Variants in USP14 observed in about 807,000 individuals in gnomAD.
The protein encoded by USP14 is ubiquitin carboxyl-terminal hydrolase 14.
In USP14, 38 loss-of-function variants were observed where a neutral mutation model predicts 76.5. The ratio of observed to expected loss-of-function variants is 0.50; its 90% CI spans 0.38 to 0.65. The LOEUF (loss-of-function observed/expected upper bound fraction) is 0.65, where lower values mean the gene tolerates loss of function less well. Ranked by LOEUF, USP14 falls within the 30% of genes least tolerant of loss-of-function variation. USP14 has a pLI of 0.00. For missense variants in USP14, 467 were observed against 586.5 expected, an observed-to-expected ratio of 0.80 and a Z score of 2.10; for synonymous variants, 192 against 191.7, an observed-to-expected ratio of 1.00 and a Z score of -0.01.
At chr18:173,722 C>G (rs996814945) in intron 3 of USP14, among the ~76,000 whole-genome samples, 2 of 152,118 alleles carry the variant, frequency 1.3e-5, no homozygotes, top group Non-Finnish European at 2.9e-5. Flanking sequence ...CGCACCCGGT[C>G]TATTATCTGT....
chr18:202,964 T>C lies in USP14; in HGVS notation c.942+19T>C. 6.2e-7 allele frequency: 1 copy of C among 1,613,302 alleles called. No individual in the cohort carries two copies. On this transcript the variant is annotated intron_variant, in intron 11 of 15. Transcript: ENST00000261601. ...CAAATCTGTAAGTTATGCAGTCCTT[T>C]CGAAGCCAAATTCCGCTTCACTGAA...
intron 3 of USP14, among the ~76,000 whole-genome samples, chr18:174,679 G>T (rs1177356445): frequency 6.7e-6 from 1 of 149,762 alleles, no homozygotes; most frequent in East Asian, 2.0e-4. Context: ...ATCATAGCTC[G>T]CTGCAGCCTT....
intron 8 of USP14, 69 bp downstream of exon 8, chr18:197,765 CT>C (rs2143069893): frequency 8.0e-7 from 1 of 1,255,052 alleles, no homozygotes; most frequent in African/African-American, 1.5e-5. Context: ...TTTTTTTCCC[CT>C]CAAAGGCTTA....
intron 3 of USP14, among the ~76,000 whole-genome samples, chr18:173,007 T>TAA (rs571581090): frequency 9.9e-5 from 15 of 152,232 alleles, no homozygotes; most frequent in Non-Finnish European, 1.9e-4. Flanking sequence ...TACTATGTTG[T>TAA]AAGAAATCTT....
intron 13 of USP14, among the ~76,000 whole-genome samples, chr18:205,791 T>A (rs962870407): frequency 6.6e-6 from 1 of 152,004 alleles, no homozygotes; most frequent in Non-Finnish European, 1.5e-5. Context: ...TAAAAAAAAA[T>A]TATACAAACG....
Position 192,977 on chromosome 18 carries a change from A to G in USP14, c.463+77A>G. 5.5e-6 allele frequency: 7 copies of G among 1,282,340 alleles called. 1 individual carries two copies. In the South Asian group the frequency reaches 9.8e-5, roughly 18 times the overall value. The allele number at this position is 1,282,340 out of a possible 1,614,324, so 79.4% of individuals were successfully genotyped here. ...TCGCTCACAATCCTTTGCAGTTTAC[A>G]GAATGTCTTTTGTAAAACATCACCT... On this transcript the variant is annotated intron_variant, in intron 6 of 15. Coordinates refer to ENST00000261601, the MANE Select transcript of USP14 (RefSeq NM_005151.4).
intron 3 of USP14, among the ~76,000 whole-genome samples, chr18:172,545 T>C (rs1237483584): frequency 6.6e-6 from 1 of 152,164 alleles, no homozygotes; most frequent in Admixed American, 6.5e-5. Context: ...CAGAGAACTC[T>C]TTCATGAAAG....
intron 10 of USP14, among the ~76,000 whole-genome samples, chr18:201,506 G>A (rs1910383503): frequency 6.6e-6 from 1 of 152,234 alleles, no homozygotes; most frequent in African/African-American, 2.4e-5. Flanking sequence ...GAGTGAGTGA[G>A]TCACGCTCTG....
intron 3 of USP14, among the ~76,000 whole-genome samples, chr18:174,901 G>A (rs1197603540): frequency 6.6e-6 from 1 of 152,006 alleles, no homozygotes; most frequent in African/African-American, 2.4e-5. Flanking sequence ...TCAGCCTCCC[G>A]AGTAGCTGGG....
At chr18:179,113 G>A (rs766174717) in intron 4 of USP14, 76 bp downstream of exon 4, 2 of 957,562 alleles carry the variant, frequency 2.1e-6, no homozygotes, top group South Asian at 1.7e-5. Context: ...TCAGAAAGTA[G>A]CATCTGAATG....
chr18:194,846 G>A (rs1003069357), intron 6 of USP14, among the ~76,000 whole-genome samples: 16 of 152,122 alleles, frequency 1.1e-4, no homozygotes, highest in African/African-American at 3.9e-4. Context: ...CACGAGAATC[G>A]CTTGAACCTG....
In USP14 at chr18:202,868, G is replaced by A; in HGVS notation, c.877-12G>A. The A allele has an allele frequency of 6.2e-7, 1 of 1,613,868 alleles. No homozygotes were observed. The highest frequency in any genetic ancestry group is 1.3e-5 in the African/African-American group (1 of 75,046). On this transcript the variant is annotated splice_polypyrimidine_tract_variant and intron_variant, in intron 10 of 15. Transcript: ENST00000261601. Reference sequence around the variant, plus strand: ...AAACTAATGTTTGGTCTTCTGTTATGTTCTTTCTTAGCGACTTCAGGAAGA... The same window carrying A: ...AAACTAATGTTTGGTCTTCTGTTATATTCTTTCTTAGCGACTTCAGGAAGA...
chr18:207,958 A>T (rs1910573254), intron 13 of USP14, among the ~76,000 whole-genome samples: 1 of 152,074 alleles, frequency 6.6e-6, no homozygotes, highest in Non-Finnish European at 1.5e-5. Context: ...TGAATTTATT[A>T]GCTGTTTTTA....
chr18:179,105 A>C (rs901652285), intron 4 of USP14, 68 bp downstream of exon 4: 1 of 1,078,530 alleles, frequency 9.3e-7, no homozygotes, highest in African/African-American at 1.6e-5. Context: ...GGTGTCTTTC[A>C]GAAAGTAGCA....
intron 9 of USP14, 32 bp downstream of exon 9, chr18:198,164 T>A (rs1334646944): frequency 6.6e-7 from 1 of 1,517,270 alleles, no homozygotes; most frequent in Middle Eastern, 1.7e-4. Flanking sequence ...TAGACTATAC[T>A]CATACCTTAT....
chr18:185,746 C>G (rs1909911231), intron 5 of USP14, among the ~76,000 whole-genome samples: 1 of 151,782 alleles, frequency 6.6e-6, no homozygotes, highest in South Asian at 2.1e-4. Context: ...TGCCCAGGCT[C>G]TGGAGTGGCA....
intron 1 of USP14, 79 bp from the exon 2 acceptor site, chr18:163,229 C>A: frequency 7.4e-7 from 1 of 1,344,490 alleles, no homozygotes; most frequent in Non-Finnish European, 1.0e-6. Flanking sequence ...CCGATAACTG[C>A]CTAATTGGTG....
chr18:192,780 T>C, intron 5 of USP14, 62 bp from the exon 6 acceptor site: 2 of 1,535,610 alleles, frequency 1.3e-6, no homozygotes, highest in Non-Finnish European at 1.8e-6. Flanking sequence ...AACTGGTTTC[T>C]TCCCATTTGA....
At position 180,265 on chromosome 18, in the gene USP14, T is replaced by C. The variant is rs1314156577; in HGVS notation, c.330T>C (p.Leu110=). The C allele has an allele frequency of 6.4e-7, 1 of 1,574,046 alleles. No individual in the cohort carries two copies. Among genetic ancestry groups the C allele is most frequent in the African/African-American group, 1.4e-5 (1 of 72,028 alleles). Residue 110 remains leucine, a synonymous_variant, in exon 5 of 16, where the codon CTT becomes CTC. Transcript: ENST00000261601. ...AGTTACCATGTGGATTGACAAACCTTGGTAACACTTGTTACATGAATGCCA... is the reference window on the plus strand; with the variant it reads ...AGTTACCATGTGGATTGACAAACCTCGGTAACACTTGTTACATGAATGCCA... ...AMELPCGLTN[L]GNTCYMNATV...
Sources: gnomAD v4.1 joint callset for allele counts (sites outside exome capture counted in the v4.1 genomes callset) on GRCh38, gnomAD v4.1.1 for gene constraint, MANE v1.5 for transcripts, NCBI Gene and HGNC (gene_info 2026-07-23, HGNC 2026-07-21) for gene names.